RAB4B: variants seen among roughly 807,000 people sequenced by gnomAD.
RAB4B encodes the protein ras-related protein Rab-4B.
A neutral mutation model predicts 28.3 loss-of-function variants in RAB4B; 15 were observed. The ratio of observed to expected loss-of-function variants is 0.53; its 90% CI spans 0.35 to 0.82. The LOEUF is 0.82. Ranked by LOEUF, RAB4B falls within the 40% of genes least tolerant of loss-of-function variation. The pLI is 0.01. For missense variants in RAB4B, 244 were observed against 288.5 expected (o/e 0.85, Z 1.12); for synonymous variants, 108 against 116.3 (o/e 0.93, Z 0.46).
Position 40,778,399 on chromosome 19 carries a change from TG to T in RAB4B, c.16+10del. On this transcript the variant is annotated intron_variant, in intron 1 of 7. Coordinates refer to ENST00000357052, the MANE Select transcript of RAB4B (RefSeq NM_016154.5). ...TCATGGCTGAGACCTACGGTGAGGG[TG>T]GTGGACGAAGCTGGGGTCCTGGGTC... 1 of 1,458,170 alleles carries T rather than the reference TG, an allele frequency of 6.9e-7. No individual in the cohort carries two copies. The highest frequency in any genetic ancestry group is 9.0e-7 in the Non-Finnish European group (1 of 1,108,382). The allele number at this position is 1,458,170 out of a possible 1,614,324, so 90.3% of individuals were successfully genotyped here.
Position 40,784,018 on chromosome 19 carries a change from C to G in RAB4B, c.373C>G (p.Leu125Val). Residue 125 changes from leucine (L) to valine (V), a missense_variant, in exon 5 of 8, where the codon CTG becomes GTG. Physicochemically the swap from Leu to Val is conservative, Grantham distance 32. Transcript: ENST00000357052. ...CATCCTCTGTGGCAACAAGAAGGAC[C>G]TGGACCCTGAGCGGGAGGTCACTTT... ...VVILCGNKKD[L>V]DPEREVTFLE... 6.2e-7 allele frequency: 1 copy of G among 1,614,156 alleles called. No individual in the cohort carries two copies. Among genetic ancestry groups the G allele is most frequent in the Non-Finnish European group, 8.5e-7 (1 of 1,179,990 alleles).
Position 40,783,991 on chromosome 19 carries a change from G to T in RAB4B, c.346G>T (p.Val116Phe). 6.2e-7 allele frequency: 1 copy of T among 1,614,172 alleles called. No homozygotes were observed. Among genetic ancestry groups the T allele is most frequent in the Non-Finnish European group, 8.5e-7 (1 of 1,180,006 alleles). ...ARTLASPNIV[V>F]ILCGNKKDLD... Reference sequence around the variant, plus strand: ...CACCCTGGCCAGCCCCAACATCGTGGTCATCCTCTGTGGCAACAAGAAGGA... The same window carrying T: ...CACCCTGGCCAGCCCCAACATCGTGTTCATCCTCTGTGGCAACAAGAAGGA... Residue 116 changes from valine to phenylalanine, a missense_variant, in exon 5 of 8, where the codon GTC becomes TTC. By Grantham distance (50) the Val-to-Phe change is conservative (BLOSUM62 -1). Transcript: ENST00000357052.
chr19:40,780,263 C>T lies in RAB4B; in HGVS notation c.98-122C>T, dbSNP rs552069263. 1.7e-4 allele frequency: 238 copies of T among 1,428,184 alleles called. No individual in the cohort carries two copies. The African/African-American group carries it at 3.1e-3, about 18-fold the overall frequency. 88.5% of individuals were successfully genotyped at this position (1,428,184 alleles called of 1,614,324 possible). The stretch of plus-strand genomic sequence containing the variant: ...ATGTCCTTTACTAGGTTCTCCTTGA[C>T]CTCAAGTCACTCCAGCAAGGAGAAT... On this transcript the variant is annotated intron_variant, in intron 2 of 7. Coordinates refer to ENST00000357052, the MANE Select transcript of RAB4B (RefSeq NM_016154.5).
chr19:40,787,433 G>A (rs2083111292), intron 7 of RAB4B, among the ~76,000 whole-genome samples: 1 of 152,046 alleles, frequency 6.6e-6, no homozygotes, highest in Admixed American at 6.6e-5. Context: ...TACTCGGGAA[G>A]TTGAGGCAGG....
At position 40,783,817 on chromosome 19, in the gene RAB4B, C is replaced by T. The variant is rs371622333; in HGVS notation, c.252C>T (p.Ala84=). 3.0e-5 allele frequency: 47 copies of T among 1,577,582 alleles called. No individual in the cohort carries two copies. Among genetic ancestry groups the T allele is most frequent in the Non-Finnish European group, 3.9e-5 (45 of 1,158,574 alleles). The change falls in exon 4 of 8, where the codon GCC becomes GCT. Residue 84 remains alanine (A), a synonymous_variant. Transcript: ENST00000357052. ...GTTATTACCGAGGGGCGGCTGGAGCCCTGCTGGTGTACGACATCACCAGGT... is the reference window on the plus strand; with the variant it reads ...GTTATTACCGAGGGGCGGCTGGAGCTCTGCTGGTGTACGACATCACCAGGT... ...TRSYYRGAAG[A]LLVYDITSRE... is the part of the protein sequence containing the mutation.
intron 7 of RAB4B, among the ~76,000 whole-genome samples, chr19:40,794,123 G>A (rs2083186258): frequency 1.3e-5 from 2 of 151,748 alleles, no homozygotes; most frequent in African/African-American, 4.8e-5. Context: ...TGCCCAAGCT[G>A]GAGTGCAATG....
intron 7 of RAB4B, among the ~76,000 whole-genome samples, chr19:40,795,155 C>T (rs1213086411): frequency 4.6e-5 from 6 of 131,396 alleles, no homozygotes; most frequent in Non-Finnish European, 9.4e-5. Flanking sequence ...GGCAATAGAG[C>T]GAGGCTCCAT....
intron 3 of RAB4B, 53 bp downstream of exon 3, chr19:40,780,552 A>AGAG: frequency 6.8e-7 from 1 of 1,475,462 alleles, no homozygotes; most frequent in Non-Finnish European, 9.4e-7. Context: ...AGAAGGAAAG[A>AGAG]GAGAGATGTG....
At chr19:40,783,639 C>T in intron 3 of RAB4B, 139 bp from the exon 4 acceptor site, 1 of 694,912 alleles carries the variant, frequency 1.4e-6, no homozygotes. Context: ...TGCATGGTGA[C>T]CCGACCAAGG....
In RAB4B at chr19:40,786,706, G is replaced by A. The variant is rs770176888; in HGVS notation, c.472G>A (p.Val158Met). 4.3e-6 allele frequency: 7 copies of A among 1,614,124 alleles called. No individual in the cohort carries two copies. The highest frequency in any genetic ancestry group is 5.1e-6 in the Non-Finnish European group (6 of 1,179,976). ...GACCAGCGCTCTCACAGGCGAGAAC[G>A]TGGAGGAGGCGTTCCTCAAGTGTGC... ...LETSALTGEN[V>M]EEAFLKCART... The change falls in exon 6 of 8, where the codon GTG becomes ATG. Residue 158 changes from valine to methionine, a missense_variant. By Grantham distance (21) the Val-to-Met change is conservative. Transcript: ENST00000357052.
At chr19:40,781,810 A>G (rs1354416835) in intron 3 of RAB4B, among the ~76,000 whole-genome samples, 1 of 152,074 alleles carries the variant, frequency 6.6e-6, no homozygotes, top group Non-Finnish European at 1.5e-5. Flanking sequence ...TCACGAGGTC[A>G]GGAGATCGAG....
chr19:40,781,443 G>T (rs570774443), intron 3 of RAB4B, among the ~76,000 whole-genome samples: 9 of 152,134 alleles, frequency 5.9e-5, no homozygotes, highest in African/African-American at 2.2e-4. Flanking sequence ...ATGAATGCAC[G>T]AATTTACGGG....
At chr19:40,783,688 C>G (rs1599741663) in intron 3 of RAB4B, 90 bp from the exon 4 acceptor site, 1 of 1,287,140 alleles carries the variant, frequency 7.8e-7, no homozygotes, top group East Asian at 2.6e-5. Context: ...AAGGGGGGGG[C>G]CTCCGAACCA....
intron 1 of RAB4B, chr19:40,779,150 C>A: frequency 2.7e-6 from 1 of 365,836 alleles, no homozygotes; most frequent in Non-Finnish European, 3.8e-6. Context: ...TGAAGAGGAA[C>A]AAGGGCTATA....
At chr19:40,783,317 C>G (rs2083068246) in intron 3 of RAB4B, among the ~76,000 whole-genome samples, 1 of 151,698 alleles carries the variant, frequency 6.6e-6, no homozygotes, top group Non-Finnish European at 1.5e-5. Flanking sequence ...ACTTGTAGTC[C>G]CAGACACTAC....
In RAB4B at chr19:40,786,913, C is replaced by G. The variant is rs369688842; in HGVS notation, c.592C>G (p.Arg198Gly). 1 of 1,614,048 alleles carries G rather than the reference C, an allele frequency of 6.2e-7. No homozygotes were observed. Among genetic ancestry groups the G allele is most frequent in the East Asian group, 2.2e-5 (1 of 44,874 alleles). Residue 198 changes from arginine (R) to glycine (G), a missense_variant, in exon 7 of 8, where the codon CGG (arginine) becomes GGG (glycine). Arg to Gly is a moderately radical substitution (Grantham distance 125). Transcript: ENST00000357052. ...QYGDASLRQL[R>G]QPRSAQAVAP... is the part of the protein sequence containing the mutation. ...CGGGGATGCGTCCCTCCGCCAGCTT[C>G]GGCAGCCTCGGAGTGCCCAGGCCGT...
At chr19:40,791,501 C>T (rs2083159453) in intron 7 of RAB4B, among the ~76,000 whole-genome samples, 1 of 152,112 alleles carries the variant, frequency 6.6e-6, no homozygotes, top group Non-Finnish European at 1.5e-5. Flanking sequence ...TCTCAGGCCA[C>T]TCCAGCCACA....
chr19:40,784,971 C>T lies in RAB4B; in HGVS notation c.430+896C>T, dbSNP rs141041621. On this transcript the variant is annotated intron_variant, in intron 5 of 7. Coordinates refer to ENST00000357052, the MANE Select transcript of RAB4B (RefSeq NM_016154.5). ...CTGGGACTACAGGTGTGCGCCACAA[C>T]GCCTGGCTAATTTTTATATTTTTAG... Among the ~76,000 whole-genome samples the T allele has an allele frequency of 4.3e-3, 653 of 151,834 alleles. 9 individuals are homozygous for T. Among genetic ancestry groups the T allele is most frequent in the African/African-American group, 0.015 (634 of 41,402 alleles).
At chr19:40,780,856 G>A (rs898530682) in intron 3 of RAB4B, among the ~76,000 whole-genome samples, 4 of 151,870 alleles carry the variant, frequency 2.6e-5, no homozygotes, top group African/African-American at 7.3e-5. Flanking sequence ...GTGGCTTGGG[G>A]GTGGGGAAAG....
Sources: allele counts gnomAD v4.1 joint callset (sites outside exome capture counted in the v4.1 genomes callset), GRCh38; gene constraint gnomAD v4.1.1; transcripts MANE v1.5; gene names NCBI Gene and HGNC (gene_info 2026-07-23, HGNC 2026-07-21).